The following VWA8 variants were observed in gnomAD, a reference collection of about 807,000 sequenced individuals.
VWA8 encodes the protein von Willebrand factor A domain containing 8.
VWA8 carries 221 observed loss-of-function variants against 241.5 expected under a neutral mutation model. The observed-to-expected ratio is 0.91, with a 90% CI of 0.82 to 1.02. VWA8 has a LOEUF of 1.02. VWA8 is among the 50% of genes least tolerant of loss of function. The pLI, the probability that VWA8 is intolerant of heterozygous loss-of-function variation, is 0.00. For missense variants in VWA8, 2,322 were observed against 2,328.7 expected, an observed-to-expected ratio of 1.00 and a Z score of 0.06; for synonymous variants, 852 against 827.1, an observed-to-expected ratio of 1.03 and a Z score of -0.52.
chr13:41,959,295 G>C lies in VWA8; in HGVS notation c.163+1558C>G, dbSNP rs1262303034. Among the ~76,000 whole-genome samples, 3 of 152,050 alleles carry C rather than the reference G, an allele frequency of 2.0e-5. No homozygotes were observed. In the East Asian group the frequency reaches 5.8e-4, roughly 29 times the overall value. On this transcript the variant is annotated intron_variant, in intron 1 of 44. Coordinates refer to ENST00000379310, the MANE Select transcript of VWA8 (RefSeq NM_015058.2). ...CAAAGTTAAGTAACCTACCCTCAAC[G>C]ACCCATGGTTAGATAGTGGATAAGT...
intron 40 of VWA8, 76 bp downstream of exon 40, chr13:41,605,092 A>G: frequency 6.9e-7 from 1 of 1,441,280 alleles, no homozygotes; most frequent in Non-Finnish European, 9.6e-7. Flanking sequence ...GGGTTCAGAT[A>G]ATTTTCTCCA....
intron 1 of VWA8, among the ~76,000 whole-genome samples, chr13:41,954,705 A>G (rs1228272908): frequency 1.3e-5 from 2 of 152,218 alleles, no homozygotes; most frequent in Non-Finnish European, 2.9e-5. Flanking sequence ...TTCTATTTCC[A>G]CTTAAAAGAT....
At chr13:41,712,418 G>C (rs2045324484) in intron 26 of VWA8, among the ~76,000 whole-genome samples, 1 of 152,090 alleles carries the variant, frequency 6.6e-6, no homozygotes, top group Non-Finnish European at 1.5e-5. Flanking sequence ...AATCTGCTCA[G>C]ATTTTATAGA....
At chr13:41,712,653 A>G (rs1180803373) in intron 26 of VWA8, among the ~76,000 whole-genome samples, 2 of 152,244 alleles carry the variant, frequency 1.3e-5, no homozygotes, top group African/African-American at 4.8e-5. Flanking sequence ...TTGACTAAAC[A>G]TAAAGATGAT....
intron 20 of VWA8, among the ~76,000 whole-genome samples, chr13:41,774,578 G>A (rs769384050): frequency 6.6e-6 from 1 of 152,160 alleles, no homozygotes; most frequent in Non-Finnish European, 1.5e-5. Context: ...TAGAGATGGT[G>A]GGTAAATACA....
At chr13:41,739,704 T>G (rs1298644417) in intron 21 of VWA8, among the ~76,000 whole-genome samples, 4 of 152,138 alleles carry the variant, frequency 2.6e-5, no homozygotes, top group Non-Finnish European at 5.9e-5. Context: ...GTCTTTATGA[T>G]AGATATTCGT....
At chr13:41,803,102 G>A (rs185089782) in intron 17 of VWA8, among the ~76,000 whole-genome samples, 40 of 152,376 alleles carry the variant, frequency 2.6e-4, no homozygotes, top group African/African-American at 8.9e-4. Context: ...CAGCATTACA[G>A]GGCATGGAGT....
intron 24 of VWA8, among the ~76,000 whole-genome samples, chr13:41,721,826 C>A (rs577593039): frequency 3.4e-4 from 51 of 152,078 alleles, no homozygotes; most frequent in African/African-American, 1.2e-3. Context: ...ACATGCTCAC[C>A]GGGAGATATT....
intron 2 of VWA8, among the ~76,000 whole-genome samples, chr13:41,928,643 A>C (rs1876958245): frequency 6.6e-6 from 1 of 152,224 alleles, no homozygotes; most frequent in African/African-American, 2.4e-5. Context: ...TACATTAAAA[A>C]GATTCTGAAC....
chr13:41,632,716 C>T (rs1358050197), intron 37 of VWA8, among the ~76,000 whole-genome samples: 2 of 152,212 alleles, frequency 1.3e-5, no homozygotes, highest in African/African-American at 2.4e-5. Flanking sequence ...CCACTGCCTA[C>T]TGATGTTTAC....
intron 17 of VWA8, among the ~76,000 whole-genome samples, chr13:41,792,583 G>A (rs763788208): frequency 5.9e-5 from 9 of 151,742 alleles, no homozygotes; most frequent in Non-Finnish European, 1.2e-4. Context: ...AAATTTCTTG[G>A]CTATTAGTAG....
intron 12 of VWA8, among the ~76,000 whole-genome samples, chr13:41,850,069 A>G (rs575360916): frequency 6.6e-6 from 1 of 152,274 alleles, no homozygotes; most frequent in Admixed American, 6.5e-5. Flanking sequence ...CCGATCATCA[A>G]GAATAGTAAA....
chr13:41,750,155 C>T (rs1371286843), intron 21 of VWA8, among the ~76,000 whole-genome samples: 1 of 152,074 alleles, frequency 6.6e-6, no homozygotes, highest in African/African-American at 2.4e-5. Flanking sequence ...GAACATTTGG[C>T]TTGGCATGGT....
chr13:41,613,025 C>T (rs2044600070), intron 38 of VWA8, among the ~76,000 whole-genome samples: 1 of 152,128 alleles, frequency 6.6e-6, no homozygotes. Context: ...AGCCTAGTTA[C>T]ACAGAATTAG....
At chr13:41,914,022 A>C (rs891600645) in intron 2 of VWA8, among the ~76,000 whole-genome samples, 2 of 152,316 alleles carry the variant, frequency 1.3e-5, no homozygotes, top group East Asian at 1.9e-4. Flanking sequence ...CAGGTGGATC[A>C]CCTGAGGTCA....
chr13:41,583,738 G>C (rs184846915), intron 42 of VWA8, among the ~76,000 whole-genome samples: 16 of 151,750 alleles, frequency 1.1e-4, no homozygotes, highest in African/African-American at 2.9e-4. Context: ...GTCATGAAAA[G>C]CAAAAAAATG....
chr13:41,856,253 T>G (rs1031902727), intron 12 of VWA8, among the ~76,000 whole-genome samples: 3 of 152,148 alleles, frequency 2.0e-5, no homozygotes, highest in Admixed American at 6.5e-5. Flanking sequence ...TGAAAATCAT[T>G]TGAATCCGGG....
At chr13:41,709,258 G>A (rs1264393539) in intron 26 of VWA8, among the ~76,000 whole-genome samples, 2 of 152,130 alleles carry the variant, frequency 1.3e-5, no homozygotes, top group Non-Finnish European at 1.5e-5. Flanking sequence ...TACTCATTTG[G>A]ATCTCTAGTA....
rs5803100 is a variant in VWA8, at chr13:41,736,844, C to CTT, written c.2427-4691_2427-4690dup. On this transcript the variant is annotated intron_variant, in intron 21 of 44. Transcript: ENST00000379310. Reference sequence around the variant, plus strand: ...ATGTTTGCTCGATATTTTTTCTTTTCTTTTTTTTTTTTTTTTTTTGACAGA... The same window carrying CTT: ...ATGTTTGCTCGATATTTTTTCTTTTCTTTTTTTTTTTTTTTTTTTTTGACAGA... 3.4e-3 allele frequency among the ~76,000 whole-genome samples: 436 copies of CTT among 128,482 alleles called. 1 individual carries two copies. Among genetic ancestry groups the CTT allele is most frequent in the Middle Eastern group, 0.029 (7 of 238 alleles). 84.3% of individuals were successfully genotyped at this position (128,482 alleles called of 152,430 possible). A position where few individuals can be genotyped will look rare whatever the true frequency, so the allele number is the denominator to read the frequency against.
Sources: gnomAD v4.1 joint callset for allele counts (sites outside exome capture counted in the v4.1 genomes callset) on GRCh38, gnomAD v4.1.1 for gene constraint, MANE v1.5 for transcripts, NCBI Gene and HGNC (gene_info 2026-07-23, HGNC 2026-07-21) for gene names.